DYNC1I1: variants seen among roughly 807,000 people sequenced by gnomAD.
DYNC1I1 encodes cytoplasmic dynein 1 intermediate chain 1.
In DYNC1I1, 43 loss-of-function variants were observed where a neutral mutation model predicts 86.6. The observed-to-expected ratio is 0.50, with a 90% CI of 0.39 to 0.64. DYNC1I1 has a LOEUF of 0.64. DYNC1I1 is among the 30% of genes least tolerant of loss of function. DYNC1I1 has a pLI of 0.00. For synonymous variants in DYNC1I1, 262 were observed against 283.7 expected (o/e 0.92, Z 0.77); for missense variants, 604 against 788.8 (o/e 0.77, Z 2.81).
At chr7:95,846,770 T>G (rs1380613928) in intron 5 of DYNC1I1, among the ~76,000 whole-genome samples, 1 of 152,092 alleles carries the variant, frequency 6.6e-6, no homozygotes, top group East Asian at 1.9e-4. Context: ...GAATCAGTCC[T>G]TCAGATGTTA....
intron 6 of DYNC1I1, among the ~76,000 whole-genome samples, chr7:95,928,996 T>G (rs1584168840): frequency 2.0e-5 from 3 of 152,302 alleles, no homozygotes; most frequent in African/African-American, 7.2e-5. Flanking sequence ...TACAACAGTG[T>G]TCAAGATACT....
At chr7:95,956,537 C>G (rs947238248) in intron 6 of DYNC1I1, among the ~76,000 whole-genome samples, 20 of 151,996 alleles carry the variant, frequency 1.3e-4, no homozygotes, top group Non-Finnish European at 2.2e-4. Context: ...TCCTCTTGCC[C>G]CCCACCCCCG....
In DYNC1I1 at chr7:95,992,595, T is replaced by A. The variant is rs140622861; in HGVS notation, c.844-3353T>A. On this transcript the variant is annotated intron_variant, in intron 9 of 16. Transcript: ENST00000447467. ...TGGTTCATAACGGGCACTTAAAACATGATGGTTCCTTCCTCTCCAGTAAAT... is the reference window on the plus strand; with the variant it reads ...TGGTTCATAACGGGCACTTAAAACAAGATGGTTCCTTCCTCTCCAGTAAAT... Among the ~76,000 whole-genome samples the A allele has an allele frequency of 4.9e-3, 739 of 152,184 alleles. 9 individuals are homozygous for A. Among genetic ancestry groups the A allele is most frequent in the Middle Eastern group, 0.01 (3 of 294 alleles).
chr7:95,948,598 C>T (rs1206664335), intron 6 of DYNC1I1, among the ~76,000 whole-genome samples: 1 of 152,160 alleles, frequency 6.6e-6, no homozygotes, highest in Non-Finnish European at 1.5e-5. Flanking sequence ...TCTTGGGCTG[C>T]TTCCAGGGCT....
intron 11 of DYNC1I1, among the ~76,000 whole-genome samples, chr7:96,030,583 T>C (rs1163931483): frequency 6.6e-6 from 1 of 152,046 alleles, no homozygotes; most frequent in Non-Finnish European, 1.5e-5. Context: ...TGAGTCTTAA[T>C]CCATTAGTGT....
At chr7:95,933,174 C>G (rs1791948378) in intron 6 of DYNC1I1, among the ~76,000 whole-genome samples, 1 of 152,142 alleles carries the variant, frequency 6.6e-6, no homozygotes. Context: ...TGAGCCACAG[C>G]AGCCAGCACA....
At chr7:95,781,139 A>G (rs775578895) in intron 1 of DYNC1I1, among the ~76,000 whole-genome samples, 1 of 152,196 alleles carries the variant, frequency 6.6e-6, no homozygotes, top group African/African-American at 2.4e-5. Context: ...GAAAATGAGA[A>G]TCTATTTGGG....
At chr7:95,814,919 G>T (rs189754358) in intron 4 of DYNC1I1, among the ~76,000 whole-genome samples, 8 of 152,198 alleles carry the variant, frequency 5.3e-5, no homozygotes, top group Admixed American at 3.9e-4. Context: ...GCAGGAGGAA[G>T]TAATAGCAAC....
chr7:95,831,862 T>A (rs2115947027), intron 5 of DYNC1I1, among the ~76,000 whole-genome samples: 1 of 152,268 alleles, frequency 6.6e-6, no homozygotes, highest in East Asian at 1.9e-4. Flanking sequence ...GCTATTGAGT[T>A]GTTTCAGTTC....
At chr7:95,999,209 A>G (rs1793950974) in intron 10 of DYNC1I1, among the ~76,000 whole-genome samples, 1 of 152,148 alleles carries the variant, frequency 6.6e-6, no homozygotes. Context: ...TGCATTGCTT[A>G]CCCTGGTGTG....
chr7:96,010,474 A>G (rs1426272919), intron 10 of DYNC1I1, among the ~76,000 whole-genome samples: 1 of 152,220 alleles, frequency 6.6e-6, no homozygotes, highest in Non-Finnish European at 1.5e-5. Context: ...AGGGAAAACT[A>G]GAAGCCTCGC....
At chr7:96,007,073 T>C (rs1794159596) in intron 10 of DYNC1I1, among the ~76,000 whole-genome samples, 1 of 152,200 alleles carries the variant, frequency 6.6e-6, no homozygotes, top group Non-Finnish European at 1.5e-5. Context: ...AAACTATTTA[T>C]TTTTTCACAT....
At chr7:95,965,545 A>C (rs1407739858) in intron 6 of DYNC1I1, among the ~76,000 whole-genome samples, 3 of 152,174 alleles carry the variant, frequency 2.0e-5, no homozygotes. Context: ...TAATTCTGTT[A>C]TTTACAGCAG....
chr7:95,817,346 G>GT (rs1426219776), intron 4 of DYNC1I1, among the ~76,000 whole-genome samples: 2 of 152,068 alleles, frequency 1.3e-5, no homozygotes, highest in Non-Finnish European at 2.9e-5. Context: ...ACAGTGCTAG[G>GT]TTTTTACCTA....
intron 13 of DYNC1I1, among the ~76,000 whole-genome samples, chr7:96,037,322 G>T (rs1248739123): frequency 1.3e-5 from 2 of 152,172 alleles, no homozygotes; most frequent in East Asian, 3.8e-4. Flanking sequence ...AAATATATTT[G>T]TTGTATGCCT....
intron 10 of DYNC1I1, among the ~76,000 whole-genome samples, chr7:96,026,321 T>C (rs896604290): frequency 3.3e-5 from 5 of 152,188 alleles, no homozygotes; most frequent in Admixed American, 3.3e-4. Context: ...TAGGAAGCCT[T>C]AGGCTGATAG....
downstream of DYNC1I1, among the ~76,000 whole-genome samples, chr7:96,100,561 G>A (rs539410408): frequency 6.6e-6 from 1 of 152,114 alleles, no homozygotes; most frequent in African/African-American, 2.4e-5. Flanking sequence ...GGAGCCCGGG[G>A]AGTAGCACTG....
chr7:96,084,011 A>G (rs1025837057), intron 16 of DYNC1I1, among the ~76,000 whole-genome samples: 4 of 152,172 alleles, frequency 2.6e-5, no homozygotes, highest in African/African-American at 7.2e-5. Context: ...GTGGGAAGAC[A>G]TCTCATATTC....
At chr7:95,842,091 A>C (rs1245110956) in intron 5 of DYNC1I1, among the ~76,000 whole-genome samples, 1 of 152,186 alleles carries the variant, frequency 6.6e-6, no homozygotes, top group Non-Finnish European at 1.5e-5. Flanking sequence ...TGAGAGATGG[A>C]GGTTCCCCTC....
Sources: gnomAD v4.1 joint callset for allele counts (sites outside exome capture counted in the v4.1 genomes callset) on GRCh38, gnomAD v4.1.1 for gene constraint, MANE v1.5 for transcripts, NCBI Gene and HGNC (gene_info 2026-07-23, HGNC 2026-07-21) for gene names.